The following AGBL4 variants were observed in gnomAD, a reference collection of about 807,000 sequenced individuals.
The protein encoded by AGBL4 is AGBL carboxypeptidase 4, also known as cytosolic carboxypeptidase 6.
Under a neutral mutation model 66.4 loss-of-function variants are expected in AGBL4, and 58 were observed. The observed-to-expected ratio is 0.87, with a 90% CI of 0.71 to 1.09. The LOEUF (loss-of-function observed/expected upper bound fraction) is 1.09, where lower values mean the gene tolerates loss of function less well. AGBL4 is among the 50% of genes least tolerant of loss of function. The pLI is 0.00. For missense variants in AGBL4, 579 were observed against 631.0 expected (o/e 0.92, Z 0.88); for synonymous variants, 234 against 222.9 (o/e 1.05, Z -0.44).
intron 7 of AGBL4, among the ~76,000 whole-genome samples, chr1:48,660,753 G>A (rs1035511191): frequency 2.6e-5 from 4 of 152,348 alleles, no homozygotes; most frequent in East Asian, 1.9e-4. Context: ...TGAATTAGCC[G>A]TGTGACTTTG....
chr1:48,539,517 C>G, intron 12 of AGBL4, 125 bp downstream of exon 12: 1 of 676,516 alleles, frequency 1.5e-6, no homozygotes, highest in Admixed American at 4.0e-5. Flanking sequence ...GGTGGCAGGG[C>G]CAGGATTATC....
chr1:49,843,296 T>TTGTGTGTGTGTGTGTGTG (rs71307607), intron 2 of AGBL4, among the ~76,000 whole-genome samples: 1 of 147,784 alleles, frequency 6.8e-6, no homozygotes, highest in Non-Finnish European at 1.5e-5. Context: ...CTAGCTAATT[T>TTGTGTGTGTGTGTGTGTG]TGTGTGTGTG....
intron 3 of AGBL4, among the ~76,000 whole-genome samples, chr1:49,604,999 C>T (rs1645037074): frequency 6.6e-6 from 1 of 151,984 alleles, no homozygotes; most frequent in Admixed American, 6.6e-5. Context: ...ATATCTTATG[C>T]CAAGTACTTT....
chr1:49,559,745 C>T (rs577493419), intron 3 of AGBL4, among the ~76,000 whole-genome samples: 9 of 152,194 alleles, frequency 5.9e-5, no homozygotes, highest in Admixed American at 2.6e-4. Context: ...AAGCCTTCAG[C>T]GACACATTGA....
chr1:49,142,391 A>G (rs916220593), intron 4 of AGBL4, among the ~76,000 whole-genome samples: 3 of 152,178 alleles, frequency 2.0e-5, no homozygotes, highest in African/African-American at 7.2e-5. Context: ...ACTAATGCAT[A>G]TTAGGCTTCC....
At chr1:48,597,511 A>C (rs1217019788) in intron 9 of AGBL4, among the ~76,000 whole-genome samples, 1 of 152,086 alleles carries the variant, frequency 6.6e-6, no homozygotes, top group Non-Finnish European at 1.5e-5. Flanking sequence ...GGCCTCTGAC[A>C]TTTGAATTAA....
intron 4 of AGBL4, among the ~76,000 whole-genome samples, chr1:49,135,992 T>C (rs569222853): frequency 6.6e-6 from 1 of 152,320 alleles, no homozygotes. Flanking sequence ...TAGGCTTTTC[T>C]ATATTCTCTA....
chr1:49,921,852 A>C lies in AGBL4; in HGVS notation c.35-70334T>G, dbSNP rs367663887. ...GCAGCCGATTGGATGGTGCCCACCC[A>C]CAGTGAGGGTGGGTCCTCTCCCTCC... On this transcript the variant is annotated intron_variant, in intron 1 of 13. Coordinates refer to ENST00000371839, the MANE Select transcript of AGBL4 (RefSeq NM_032785.4). 1.9e-3 allele frequency among the ~76,000 whole-genome samples: 284 copies of C among 152,220 alleles called. 2 individuals carry two copies. The highest frequency in any genetic ancestry group is 6.5e-3 in the African/African-American group (269 of 41,560).
intron 3 of AGBL4, among the ~76,000 whole-genome samples, chr1:49,622,951 A>G (rs1218032027): frequency 6.6e-6 from 1 of 152,020 alleles, no homozygotes; most frequent in African/African-American, 2.4e-5. Context: ...TCAGATTCCT[A>G]TTTCTCCCCA....
At chr1:49,911,679 C>T (rs558028156) in intron 1 of AGBL4, among the ~76,000 whole-genome samples, 103 of 152,308 alleles carry the variant, frequency 6.8e-4, no homozygotes, top group Admixed American at 1.2e-3. Context: ...GGTGGCTGAT[C>T]TGCCCCACAG....
intron 6 of AGBL4, among the ~76,000 whole-genome samples, chr1:48,788,570 T>G (rs376042533): frequency 3.4e-4 from 52 of 152,360 alleles, no homozygotes; most frequent in African/African-American, 1.3e-3. Context: ...GGCTTCAGAA[T>G]TGTGAAACAC....
At chr1:49,108,953 C>A (rs1392306099) in intron 4 of AGBL4, among the ~76,000 whole-genome samples, 1 of 152,134 alleles carries the variant, frequency 6.6e-6, no homozygotes, top group East Asian at 1.9e-4. Context: ...AAGTTCCACC[C>A]CTTCTCTGGG....
At chr1:48,946,120 C>G (rs1341430112) in intron 5 of AGBL4, among the ~76,000 whole-genome samples, 1 of 152,140 alleles carries the variant, frequency 6.6e-6, no homozygotes, top group Non-Finnish European at 1.5e-5. Flanking sequence ...CTACTTCTCC[C>G]GTTACTCCTT....
intron 3 of AGBL4, among the ~76,000 whole-genome samples, chr1:49,432,397 T>C (rs1042364330): frequency 6.6e-6 from 1 of 152,150 alleles, no homozygotes; most frequent in African/African-American, 2.4e-5. Flanking sequence ...ATAAAAACTC[T>C]CTTCCTCCCC....
intron 6 of AGBL4, among the ~76,000 whole-genome samples, chr1:48,756,482 G>A (rs1289822694): frequency 6.6e-6 from 1 of 152,134 alleles, no homozygotes; most frequent in Non-Finnish European, 1.5e-5. Flanking sequence ...CTTACACTAG[G>A]CTAGGTCCCT....
chr1:49,667,201 G>A lies in AGBL4; in HGVS notation c.282+30112C>T, dbSNP rs187898610. ...AGGCCAGGCATGGTAGCTCATGCCTGTAATCCCAGCACTTTGGAAGGCCAA... is the reference window on the plus strand; with the variant it reads ...AGGCCAGGCATGGTAGCTCATGCCTATAATCCCAGCACTTTGGAAGGCCAA... On this transcript the variant is annotated intron_variant, in intron 3 of 13. Transcript: ENST00000371839. Among the ~76,000 whole-genome samples, 6 of 152,242 alleles carry A rather than the reference G, an allele frequency of 3.9e-5. No homozygotes were observed. The East Asian group carries it at 1.2e-3, about 29-fold the overall frequency.
chr1:49,752,760 G>T (rs1371763929), intron 2 of AGBL4, among the ~76,000 whole-genome samples: 1 of 152,178 alleles, frequency 6.6e-6, no homozygotes. Flanking sequence ...CCTCTATTCT[G>T]TGCATATATA....
intron 3 of AGBL4, among the ~76,000 whole-genome samples, chr1:49,627,678 A>G (rs900419545): frequency 6.6e-6 from 1 of 152,254 alleles, no homozygotes; most frequent in Non-Finnish European, 1.5e-5. Flanking sequence ...TAATGCAGGT[A>G]CCATATATTT....
intron 3 of AGBL4, among the ~76,000 whole-genome samples, chr1:49,278,012 A>G (rs1644204303): frequency 6.6e-6 from 1 of 152,214 alleles, no homozygotes; most frequent in Non-Finnish European, 1.5e-5. Flanking sequence ...AACAATCATA[A>G]CAACATGGCA....
Sources: allele counts gnomAD v4.1 joint callset (sites outside exome capture counted in the v4.1 genomes callset), GRCh38; gene constraint gnomAD v4.1.1; transcripts MANE v1.5; gene names NCBI Gene and HGNC (gene_info 2026-07-23, HGNC 2026-07-21).